Variants in BMP1 observed in about 807,000 individuals in gnomAD.
BMP1 encodes the protein mammalian tolloid protein.
Under a neutral mutation model 116.8 loss-of-function variants are expected in BMP1, and 63 were observed. The observed-to-expected ratio is 0.54, with a 90% confidence interval of 0.44 to 0.67. BMP1 has a LOEUF of 0.67. BMP1 is among the 30% of genes least tolerant of loss of function. The probability of loss-of-function intolerance (pLI) is 0.00; values close to 1 mark genes in which losing one functional copy is unlikely to be tolerated. For missense variants in BMP1, 1,183 were observed against 1,358.9 expected (o/e 0.87, Z 2.04); for synonymous variants, 536 against 533.4 (o/e 1.00, Z -0.07).
intron 8 of BMP1, among the ~76,000 whole-genome samples, chr8:22,190,518 A>C (rs1828900678): frequency 1.3e-5 from 2 of 152,210 alleles, no homozygotes. Context: ...ATGGAGGGGC[A>C]GACAATTTTC....
chr8:22,188,177 GT>G (rs759296888), intron 8 of BMP1, among the ~76,000 whole-genome samples: 2,027 of 124,562 alleles, frequency 0.016, 30 homozygotes, highest in East Asian at 0.059. Context: ...CCAGTTTTGG[GT>G]TTTTTTTTTT....
At chr8:22,165,884 T>C (rs1016072673) in intron 1 of BMP1, among the ~76,000 whole-genome samples, 7 of 100,330 alleles carry the variant, frequency 7.0e-5, no homozygotes, top group Non-Finnish European at 1.3e-4. Context: ...TGTGCGTGCG[T>C]GTGTGTGTGT....
intron 9 of BMP1, 139 bp from the exon 10 acceptor site, chr8:22,193,919 A>T: frequency 1.5e-6 from 1 of 680,874 alleles, no homozygotes; most frequent in Non-Finnish European, 2.5e-6. Flanking sequence ...AGCCAACCAG[A>T]GGGTATACAG....
Position 22,179,575 on chromosome 8 carries a change from G to A in BMP1, c.837-130G>A, listed in dbSNP as rs565328387. On this transcript the variant is annotated intron_variant, in intron 6 of 19. Transcript: ENST00000306385. The surrounding 1 kb of genome is among the most constrained non-coding windows in gnomAD (Gnocchi z 4.6). Reference sequence around the variant, plus strand: ...ATGACAGGGTGAGACGACTCCACCCGGCCCTGACCCTGCTGAGGAATGTCT... The same window carrying A: ...ATGACAGGGTGAGACGACTCCACCCAGCCCTGACCCTGCTGAGGAATGTCT... 207 of 1,523,904 alleles carry A rather than the reference G, an allele frequency of 1.4e-4. 1 individual carries two copies. In the Middle Eastern group the frequency reaches 1.4e-3, roughly 10 times the overall value. The allele number at this position is 1,523,904 out of a possible 1,614,324, so 94.4% of individuals were successfully genotyped here.
chr8:22,191,595 C>A (rs918510279), intron 8 of BMP1, among the ~76,000 whole-genome samples: 2 of 152,120 alleles, frequency 1.3e-5, no homozygotes, highest in African/African-American at 4.8e-5. Context: ...AAAGCAAGAC[C>A]CTGACTCAAA....
intron 15 of BMP1, chr8:22,199,186 G>T: frequency 7.3e-7 from 1 of 1,367,596 alleles, no homozygotes; most frequent in Non-Finnish European, 9.8e-7. Context: ...CATCGCACAA[G>T]AAACCTGCAG....
chr8:22,210,896 C>T (rs180820280), intron 19 of BMP1, among the ~76,000 whole-genome samples: 21 of 152,364 alleles, frequency 1.4e-4, no homozygotes, highest in African/African-American at 2.2e-4. Flanking sequence ...CACAACTACT[C>T]GGAATGTCCT....
chr8:22,202,028 G>A (rs554086803), intron 16 of BMP1, 100 bp downstream of exon 16: 6 of 1,471,028 alleles, frequency 4.1e-6, no homozygotes, highest in Non-Finnish European at 5.4e-6. Context: ...AGATTCTGGG[G>A]CCTGTATGAT....
intron 8 of BMP1, among the ~76,000 whole-genome samples, chr8:22,184,185 G>A (rs750304309): frequency 2.0e-5 from 3 of 152,264 alleles, no homozygotes; most frequent in Non-Finnish European, 2.9e-5. Context: ...CTGGCCCTGA[G>A]CAGTGGAGTC....
intron 8 of BMP1, among the ~76,000 whole-genome samples, chr8:22,187,562 C>G (rs181841041): frequency 1.3e-4 from 19 of 142,306 alleles, no homozygotes; most frequent in Admixed American, 1.2e-3. Flanking sequence ...TGTTAGCCAG[C>G]ATGGTCTCGA....
rs1828563781 is a variant in BMP1 at position 22,179,937 on chromosome 8, A to G, written c.961+108A>G. ...AGGCTTAGGCTGCAAGTCTTAGAGA[A>G]TGGTGTGGCGGGGGAGGGGACCCCA... On this transcript the variant is annotated intron_variant, in intron 7 of 19. Transcript: ENST00000306385. The surrounding 1 kb of genome is among the most constrained non-coding windows in gnomAD (Gnocchi z 4.6). 11 of 1,255,992 alleles carry G rather than the reference A, an allele frequency of 8.8e-6. No homozygotes were observed. The highest frequency in any genetic ancestry group is 1.2e-5 in the Non-Finnish European group (11 of 914,994). 77.8% of individuals were successfully genotyped at this position (1,255,992 alleles called of 1,614,324 possible). A position where few individuals can be genotyped will look rare whatever the true frequency, so the allele number is the denominator to read the frequency against.
At chr8:22,190,550 G>A (rs538941319) in intron 8 of BMP1, among the ~76,000 whole-genome samples, 46 of 152,228 alleles carry the variant, frequency 3.0e-4, no homozygotes, top group Non-Finnish European at 6.0e-4. Context: ...CCTGCACGGC[G>A]TGACGTGTTG....
intron 15 of BMP1, 72 bp downstream of exon 15, chr8:22,197,492 G>C: frequency 6.6e-7 from 1 of 1,520,530 alleles, no homozygotes; most frequent in Non-Finnish European, 9.0e-7. Flanking sequence ...CCCTGCCCCT[G>C]CACCCCTGTA....
chr8:22,165,918 TGTGTGTG>T (rs1828090114), intron 1 of BMP1, among the ~76,000 whole-genome samples: 1 of 143,808 alleles, frequency 7.0e-6, no homozygotes, highest in African/African-American at 2.5e-5. Flanking sequence ...TGTGTGTGTG[TGTGTGTG>T]TTCTTTCCCC....
At chr8:22,196,100 G>A in intron 13 of BMP1, 1 of 470,730 alleles carries the variant, frequency 2.1e-6, no homozygotes, top group Non-Finnish European at 4.3e-6. Flanking sequence ...GGTTTGTTTT[G>A]TTTTTTCATT....
intron 8 of BMP1, among the ~76,000 whole-genome samples, chr8:22,185,268 G>A (rs4382475): frequency 0.16 from 24,007 of 151,816 alleles, 3,110 homozygotes; most frequent in African/African-American, 0.36. Context: ...CCTGGCCAAC[G>A]TGGTGAAACC....
At chr8:22,195,650 A>AT (rs1381124958) in intron 13 of BMP1, 63 bp downstream of exon 13, 111,515 of 1,172,086 alleles carry the variant, frequency 0.095, no homozygotes, top group Non-Finnish European at 0.1. Context: ...CCTGCCCAGA[A>AT]TTTTTTTTTT....
chr8:22,177,605 T>G (rs1056508133), intron 5 of BMP1: 8 of 754,978 alleles, frequency 1.1e-5, no homozygotes, highest in Non-Finnish European at 1.9e-5. Flanking sequence ...CAGCTGTGGC[T>G]CTAGAAATGG....
chr8:22,197,786 G>A (rs1199477361), intron 15 of BMP1, among the ~76,000 whole-genome samples: 2 of 152,248 alleles, frequency 1.3e-5, no homozygotes, highest in Admixed American at 6.5e-5. Flanking sequence ...GGATGGAGGA[G>A]AGACAGGTGT....
Sources: gnomAD v4.1 joint callset for allele counts (sites outside exome capture counted in the v4.1 genomes callset) on GRCh38, gnomAD v4.1.1 for gene constraint, Gnocchi (gnomAD v3.1) non-coding constraint, MANE v1.5 for transcripts, NCBI Gene and HGNC (gene_info 2026-07-23, HGNC 2026-07-21) for gene names.